ATP1A1: variants seen among roughly 807,000 people sequenced by gnomAD.
The protein encoded by ATP1A1 is ATPase Na+/K+ transporting subunit alpha 1.
A neutral mutation model predicts 114.8 loss-of-function variants in ATP1A1; 14 were observed. That is an observed-to-expected ratio of 0.12 (90% CI 0.08 to 0.19). The LOEUF is 0.19. ATP1A1 is among the 10% of genes least tolerant of loss of function. ATP1A1 has a pLI of 1.00. For missense variants in ATP1A1, 524 were observed against 1,290.7 expected, an observed-to-expected ratio of 0.41 and a Z score of 9.10; for synonymous variants, 471 against 466.3, an observed-to-expected ratio of 1.01 and a Z score of -0.13.
intron 1 of ATP1A1, among the ~76,000 whole-genome samples, chr1:116,374,810 G>C (rs1651252542): frequency 6.6e-6 from 1 of 152,230 alleles, no homozygotes; most frequent in South Asian, 2.1e-4. Context: ...AGGCTTCTGG[G>C]TGTAGACAGA....
Position 116,393,483 on chromosome 1 carries a change from G to T in ATP1A1, c.1468-48G>T. 1 of 1,558,560 alleles carries T rather than the reference G, an allele frequency of 6.4e-7. No individual in the cohort carries two copies. The highest frequency in any genetic ancestry group is 1.2e-5 in the South Asian group (1 of 84,262). On this transcript the variant is annotated intron_variant, in intron 11 of 22. Coordinates refer to ENST00000295598, the MANE Select transcript of ATP1A1 (RefSeq NM_000701.8). The surrounding 1 kb of genome is among the most constrained non-coding windows in gnomAD (Gnocchi z 5.0). Reference sequence around the variant, plus strand: ...GAAGCTTTGTTTTCCACCATGGACTGCCACACATCCAACCATCCAATGTTT... The same window carrying T: ...GAAGCTTTGTTTTCCACCATGGACTTCCACACATCCAACCATCCAATGTTT...
chr1:116,404,327 G>A lies in ATP1A1; in HGVS notation c.3044-89G>A, dbSNP rs1030714712. 101 of 1,525,000 alleles carry A rather than the reference G, an allele frequency of 6.6e-5. No homozygotes were observed. The highest frequency in any genetic ancestry group is 3.1e-4 in the South Asian group (27 of 87,720). The allele number at this position is 1,525,000 out of a possible 1,614,324, so 94.5% of individuals were successfully genotyped here. The stretch of plus-strand genomic sequence containing the variant: ...ACACACCCGACCCCCATCATCCTCC[G>A]GTTGGTTTTCATCCCTGTTTCCCTC... On this transcript the variant is annotated intron_variant, in intron 22 of 22. Transcript: ENST00000295598. The surrounding 1 kb of genome is among the most constrained non-coding windows in gnomAD (Gnocchi z 4.8).
intron 1 of ATP1A1, chr1:116,373,773 C>T (rs1240807784): frequency 2.4e-5 from 21 of 863,966 alleles, no homozygotes; most frequent in Non-Finnish European, 6.5e-6. Flanking sequence ...TGGGCGGACC[C>T]TGGGCGGGGG....
chr1:116,373,767 C>T (rs1173227954), intron 1 of ATP1A1: 66 of 893,280 alleles, frequency 7.4e-5, no homozygotes, highest in Non-Finnish European at 8.5e-5. Context: ...GGGGGGTGGG[C>T]GGACCCTGGG....
chr1:116,377,196 A>G (rs1213778021), intron 1 of ATP1A1, among the ~76,000 whole-genome samples: 1 of 152,244 alleles, frequency 6.6e-6, no homozygotes, highest in Non-Finnish European at 1.5e-5. Flanking sequence ...TCAGTTTCTC[A>G]TCTGGCTTTT....
At position 116,387,167 on chromosome 1, in the gene ATP1A1, C is replaced by T; in HGVS notation, c.184-121C>T. 1 of 1,197,426 alleles carries T rather than the reference C, an allele frequency of 8.4e-7. No homozygotes were observed. The highest frequency in any genetic ancestry group is 1.2e-6 in the Non-Finnish European group (1 of 854,216). The allele number at this position is 1,197,426 out of a possible 1,614,324, so 74.2% of individuals were successfully genotyped here. On this transcript the variant is annotated intron_variant, in intron 3 of 22. Transcript: ENST00000295598. The surrounding 1 kb of genome is among the most constrained non-coding windows in gnomAD (Gnocchi z 6.7). ...ATTTGCTAGGTTTTACCTTGGCTCT[C>T]TAGCTTGGGACATTTTGTTTCTTCC...
chr1:116,401,520 C>T lies in ATP1A1; in HGVS notation c.2850-34C>T. The T allele has an allele frequency of 6.2e-7, 1 of 1,602,454 alleles. No individual in the cohort carries two copies. The highest frequency in any genetic ancestry group is 8.5e-7 in the Non-Finnish European group (1 of 1,169,732). ...TTAGAAGATAAACCTTTATTTGCACCTTTTAAGTTTTTTCTCCCCTACTTT... is the reference window on the plus strand; with the variant it reads ...TTAGAAGATAAACCTTTATTTGCACTTTTTAAGTTTTTTCTCCCCTACTTT... On this transcript the variant is annotated intron_variant, in intron 20 of 22. Transcript: ENST00000295598. The surrounding 1 kb of genome is among the most constrained non-coding windows in gnomAD (Gnocchi z 4.7).
Position 116,395,048 on chromosome 1 carries a change from C to T in ATP1A1, c.1661-62C>T. 6.5e-7 allele frequency: 1 copy of T among 1,539,568 alleles called. No homozygotes were observed. On this transcript the variant is annotated intron_variant, in intron 12 of 22. Transcript: ENST00000295598. This position sits in a 1 kb window ranked among gnomAD's most constrained non-coding sequence, Gnocchi z 6.4. ...AAAGGTAGGCGGGCTGAATAGGCTG[C>T]TGTTGTCCTTCTTACTGCCCAGCGT...
chr1:116,384,652 A>T lies in ATP1A1; in HGVS notation c.124-131A>T. On this transcript the variant is annotated intron_variant, in intron 2 of 22. Coordinates refer to ENST00000295598, the MANE Select transcript of ATP1A1 (RefSeq NM_000701.8). The surrounding 1 kb of genome is among the most constrained non-coding windows in gnomAD (Gnocchi z 5.1). ...CAAAGCGATGGTGAAAATTGTACCA[A>T]CTTATGCACTGAAGAAAACATCTGC... The T allele has an allele frequency of 1.3e-6, 1 of 747,114 alleles. No homozygotes were observed. Among genetic ancestry groups the T allele is most frequent in the Non-Finnish European group, 2.1e-6 (1 of 466,506 alleles). 46.3% of individuals were successfully genotyped at this position (747,114 alleles called of 1,614,324 possible).
Position 116,373,319 on chromosome 1 carries a change from G to A in ATP1A1, c.-193G>A, listed in dbSNP as rs1651107182. ...ACGTGGCAACAGCGGTAGCAGCCCG[G>A]GCGGCGGCAGCAACAGCGGCGGCGG... On this transcript the variant is annotated 5_prime_UTR_variant, in exon 1 of 23. Coordinates refer to ENST00000295598, the MANE Select transcript of ATP1A1 (RefSeq NM_000701.8). The A allele has an allele frequency of 2.1e-6, 1 of 469,428 alleles. No individual in the cohort carries two copies. Among genetic ancestry groups the A allele is most frequent in the East Asian group, 3.7e-5 (1 of 26,896 alleles). The allele number at this position is 469,428 out of a possible 1,614,324, so 29.1% of individuals were successfully genotyped here.
Position 116,399,186 on chromosome 1 carries a change from A to C in ATP1A1, c.2448+102A>C. The C allele has an allele frequency of 6.5e-7, 1 of 1,546,794 alleles. No individual in the cohort carries two copies. Among genetic ancestry groups the C allele is most frequent in the Non-Finnish European group, 8.8e-7 (1 of 1,132,434 alleles). On this transcript the variant is annotated intron_variant, in intron 17 of 22. Transcript: ENST00000295598. The surrounding 1 kb of genome is among the most constrained non-coding windows in gnomAD (Gnocchi z 5.0). ...GCATCCATGAGGCTGGCGTTGGGAA[A>C]AGAAATTCTCAGGACCAGTATCCAG... is the stretch of plus-strand genomic sequence containing the variant.
chr1:116,377,938 C>T (rs1651478706), intron 1 of ATP1A1, among the ~76,000 whole-genome samples: 1 of 152,244 alleles, frequency 6.6e-6, no homozygotes, highest in African/African-American at 2.4e-5. Flanking sequence ...TTTTAAAACT[C>T]TCCATTTATA....
chr1:116,388,614 G>A lies in ATP1A1; in HGVS notation c.502-24G>A. On this transcript the variant is annotated intron_variant, in intron 5 of 22. Coordinates refer to ENST00000295598, the MANE Select transcript of ATP1A1 (RefSeq NM_000701.8). The surrounding 1 kb of genome is among the most constrained non-coding windows in gnomAD (Gnocchi z 5.6). ...CCTTCTCTTTGTTGGTATACTAACG[G>A]TGTAAATTGTTTCTTTTCCAAAGCA... 1.2e-6 allele frequency: 2 copies of A among 1,612,442 alleles called. No homozygotes were observed. Among genetic ancestry groups the A allele is most frequent in the Non-Finnish European group, 1.7e-6 (2 of 1,179,004 alleles).
Position 116,401,750 on chromosome 1 carries a change from T to C in ATP1A1, c.2951+95T>C. 7.8e-7 allele frequency: 1 copy of C among 1,287,840 alleles called. No individual in the cohort carries two copies. Among genetic ancestry groups the C allele is most frequent in the Non-Finnish European group, 1.1e-6 (1 of 904,920 alleles). 79.8% of individuals were successfully genotyped at this position (1,287,840 alleles called of 1,614,324 possible). A position where few individuals can be genotyped will look rare whatever the true frequency, so the allele number is the denominator to read the frequency against. On this transcript the variant is annotated intron_variant, in intron 21 of 22. Transcript: ENST00000295598. This position sits in a 1 kb window ranked among gnomAD's most constrained non-coding sequence, Gnocchi z 4.7. ...GGTAATAGTTGTTATTTTCAGAATT[T>C]TGAGTGGTATGTACAAAAATTCCTA...
intron 10 of ATP1A1, 33 bp downstream of exon 10, chr1:116,390,924 A>G: frequency 1.3e-6 from 2 of 1,567,138 alleles, no homozygotes; most frequent in Non-Finnish European, 1.8e-6. Flanking sequence ...GGAGGGATGT[A>G]GACAGCACAT....
In ATP1A1 at chr1:116,381,463, A is replaced by G. The variant is rs1030032570; in HGVS notation, c.13-2551A>G. ...TGTATAAGCTGCCTGGTTCTTCTAG[A>G]CACACATTGCCTAGTGAAAAAATTA... On this transcript the variant is annotated intron_variant, in intron 1 of 22. Coordinates refer to ENST00000295598, the MANE Select transcript of ATP1A1 (RefSeq NM_000701.8). The surrounding 1 kb of genome is among the most constrained non-coding windows in gnomAD (Gnocchi z 5.1). Among the ~76,000 whole-genome samples the G allele has an allele frequency of 2.0e-5, 3 of 152,250 alleles. No homozygotes were observed. The highest frequency in any genetic ancestry group is 6.5e-5 in the Admixed American group (1 of 15,288).
At position 116,401,538 on chromosome 1, in the gene ATP1A1, C is replaced by A. The variant is rs1431340583; in HGVS notation, c.2850-16C>A. The stretch of plus-strand genomic sequence containing the variant: ...TTTGCACCTTTTAAGTTTTTTCTCC[C>A]CTACTTTGATTTTAGGAACAAGATC... On this transcript the variant is annotated splice_polypyrimidine_tract_variant and intron_variant, in intron 20 of 22. Transcript: ENST00000295598. This position sits in a 1 kb window ranked among gnomAD's most constrained non-coding sequence, Gnocchi z 4.7. The A allele has an allele frequency of 6.2e-7, 1 of 1,612,876 alleles. No individual in the cohort carries two copies.
chr1:116,396,741 C>T lies in ATP1A1; in HGVS notation c.1973+7C>T. The T allele has an allele frequency of 6.4e-7, 1 of 1,564,002 alleles. No individual in the cohort carries two copies. ...TCAGCCAGGTGAACCCCAGGTAAGG[C>T]AGGAAGCTCAAATCACAGTCTGCTG... On this transcript the variant is annotated splice_region_variant and intron_variant, in intron 14 of 22. Coordinates refer to ENST00000295598, the MANE Select transcript of ATP1A1 (RefSeq NM_000701.8).
intron 13 of ATP1A1, 81 bp from the exon 14 acceptor site, chr1:116,396,517 T>C (rs989618577): frequency 2.0e-6 from 3 of 1,528,442 alleles, no homozygotes; most frequent in Admixed American, 1.9e-5. Flanking sequence ...ATCCTTAGTA[T>C]TTACTCTTGC....
Sources: allele counts gnomAD v4.1 joint callset (sites outside exome capture counted in the v4.1 genomes callset), GRCh38; gene constraint gnomAD v4.1.1; non-coding constraint Gnocchi (gnomAD v3.1); transcripts MANE v1.5; gene names NCBI Gene and HGNC (gene_info 2026-07-23, HGNC 2026-07-21).